SLC17A8: variants seen among roughly 807,000 people sequenced by gnomAD.
SLC17A8 encodes solute carrier family 17 member 8.
In SLC17A8, 31 loss-of-function variants were observed where a neutral mutation model predicts 58.0. That is an observed-to-expected ratio of 0.53 (90% CI 0.40 to 0.72). SLC17A8 has a LOEUF of 0.72. SLC17A8 is among the 30% of genes least tolerant of loss of function. SLC17A8 has a pLI of 0.00. For missense variants in SLC17A8, 655 were observed against 727.8 expected (o/e 0.90, Z 1.15); for synonymous variants, 228 against 249.0 (o/e 0.92, Z 0.79).
intron 8 of SLC17A8, among the ~76,000 whole-genome samples, chr12:100,403,499 G>T (rs1952806156): frequency 6.6e-6 from 1 of 151,254 alleles, no homozygotes; most frequent in East Asian, 1.9e-4. Flanking sequence ...AAAATAAACA[G>T]AAAAAAAAGA....
At chr12:100,370,289 T>C (rs1309457704) in intron 1 of SLC17A8, among the ~76,000 whole-genome samples, 4 of 135,838 alleles carry the variant, frequency 2.9e-5, no homozygotes, top group African/African-American at 7.4e-5. Context: ...TCTAAATTTA[T>C]TTTTTATTTT....
intron 1 of SLC17A8, among the ~76,000 whole-genome samples, chr12:100,363,460 T>G (rs1952497802): frequency 6.6e-6 from 1 of 152,088 alleles, no homozygotes; most frequent in Non-Finnish European, 1.5e-5. Flanking sequence ...CTCTGCCTCC[T>G]GGGTTCAAGC....
intron 1 of SLC17A8, among the ~76,000 whole-genome samples, chr12:100,362,826 C>G (rs1012647295): frequency 1.3e-5 from 2 of 152,074 alleles, no homozygotes; most frequent in Non-Finnish European, 2.9e-5. Flanking sequence ...TTTTTGATTT[C>G]CCTCACTTCT....
chr12:100,421,171 T>G lies in SLC17A8; in HGVS notation c.*1012T>G, dbSNP rs561500979. ...GATGTCCCAAACTACTTACAAACTT[T>G]TAAGACATTTAATAATTTAAGAAGT... On this transcript the variant is annotated 3_prime_UTR_variant, in exon 12 of 12. Coordinates refer to ENST00000323346, the MANE Select transcript of SLC17A8 (RefSeq NM_139319.3). 6.6e-6 allele frequency: 1 copy of G among 152,332 alleles called. No individual in the cohort carries two copies. The highest frequency in any genetic ancestry group is 1.9e-4 in the East Asian group (1 of 5,188). The allele number at this position is 152,332 out of a possible 1,614,324, so 9.4% of individuals were successfully genotyped here.
At chr12:100,384,988 T>C (rs1035851307) in intron 2 of SLC17A8, among the ~76,000 whole-genome samples, 3 of 152,146 alleles carry the variant, frequency 2.0e-5, no homozygotes, top group Admixed American at 2.0e-4. Flanking sequence ...CTTGAGCCTT[T>C]GTCTTGCTAG....
chr12:100,370,319 T>C (rs1343735870), intron 1 of SLC17A8, among the ~76,000 whole-genome samples: 2 of 152,062 alleles, frequency 1.3e-5, no homozygotes, highest in African/African-American at 4.8e-5. Context: ...ATTTTTGAGA[T>C]GGAGTTTTGC....
At chr12:100,413,963 C>T (rs995286438) in intron 10 of SLC17A8, among the ~76,000 whole-genome samples, 6 of 151,310 alleles carry the variant, frequency 4.0e-5, no homozygotes, top group East Asian at 1.9e-4. Context: ...GATGACAAAG[C>T]GAGACCCCTT....
At chr12:100,377,230 C>T (rs1952600613) in intron 1 of SLC17A8, among the ~76,000 whole-genome samples, 1 of 152,148 alleles carries the variant, frequency 6.6e-6, no homozygotes, top group Non-Finnish European at 1.5e-5. Context: ...GAGCTAATGG[C>T]ATCAATGCTA....
At position 100,387,152 on chromosome 12, in the gene SLC17A8, G is replaced by A. The variant is rs116643809; in HGVS notation, c.355-3849G>A. ...AGTGGGATTGCTAAATCATACATTC[G>A]TTCTGTTTTTAAGTTTTGGAGGAAC... On this transcript the variant is annotated intron_variant, in intron 2 of 11. Transcript: ENST00000323346. Among the ~76,000 whole-genome samples the A allele has an allele frequency of 2.8e-3, 427 of 152,276 alleles. 3 individuals carry two copies. The highest frequency in any genetic ancestry group is 9.8e-3 in the African/African-American group (409 of 41,548).
At chr12:100,399,540 C>G (rs557524361) in intron 5 of SLC17A8, among the ~76,000 whole-genome samples, 1 of 151,958 alleles carries the variant, frequency 6.6e-6, no homozygotes, top group Non-Finnish European at 1.5e-5. Context: ...CTTACAATCA[C>G]GGCAGGAGGC....
intron 11 of SLC17A8, among the ~76,000 whole-genome samples, chr12:100,419,512 G>A (rs1463927999): frequency 6.7e-6 from 1 of 148,696 alleles, no homozygotes; most frequent in Non-Finnish European, 1.5e-5. Context: ...TAGCCTGGGT[G>A]ACAGAGCGAG....
intron 1 of SLC17A8, among the ~76,000 whole-genome samples, chr12:100,359,599 A>C (rs948139937): frequency 6.6e-6 from 1 of 152,240 alleles, no homozygotes; most frequent in East Asian, 1.9e-4. Context: ...AAATAAAGCC[A>C]AGGTCAAATC....
At chr12:100,419,608 G>T (rs1337403626) in intron 11 of SLC17A8, among the ~76,000 whole-genome samples, 3 of 151,438 alleles carry the variant, frequency 2.0e-5, no homozygotes, top group Non-Finnish European at 4.4e-5. Context: ...ATTCATTGTT[G>T]TCTTAACTTT....
chr12:100,403,155 A>G (rs1952803389), intron 8 of SLC17A8, among the ~76,000 whole-genome samples: 1 of 152,216 alleles, frequency 6.6e-6, no homozygotes, highest in African/African-American at 2.4e-5. Flanking sequence ...CTATAGCAGT[A>G]ACAATCATTG....
chr12:100,380,659 A>G (rs11110358), intron 1 of SLC17A8, 42 bp from the exon 2 acceptor site: 1 of 1,611,900 alleles, frequency 6.2e-7, no homozygotes. Flanking sequence ...TTTTTCCTTT[A>G]ATCCTGGCTT....
intron 5 of SLC17A8, among the ~76,000 whole-genome samples, chr12:100,399,439 A>G (rs1952775532): frequency 6.6e-6 from 1 of 152,194 alleles, no homozygotes; most frequent in Non-Finnish European, 1.5e-5. Context: ...TTTTCACATA[A>G]CTATAAAGAA....
rs147731381 is a variant in SLC17A8, at chr12:100,386,016, T to C, written c.355-4985T>C. ...GACATCTTTCTGCGTGTCTCCTCTTTTGTCTCAAATCTCCATCTGTCTTTC... is the reference window on the plus strand; with the variant it reads ...GACATCTTTCTGCGTGTCTCCTCTTCTGTCTCAAATCTCCATCTGTCTTTC... On this transcript the variant is annotated intron_variant, in intron 2 of 11. Transcript: ENST00000323346. Among the ~76,000 whole-genome samples, 1,086 of 152,286 alleles carry C rather than the reference T, an allele frequency of 7.1e-3. 15 individuals carry two copies. Among genetic ancestry groups the C allele is most frequent in the African/African-American group, 0.025 (1,032 of 41,564 alleles).
chr12:100,366,026 C>G (rs1349148492), intron 1 of SLC17A8, among the ~76,000 whole-genome samples: 2 of 146,954 alleles, frequency 1.4e-5, no homozygotes, highest in East Asian at 4.0e-4. Flanking sequence ...TGTGGTAGTT[C>G]CCTGTCATCC....
In SLC17A8 at chr12:100,421,486, T is replaced by C. The variant is rs1952947813; in HGVS notation, c.*1327T>C. On this transcript the variant is annotated 3_prime_UTR_variant, in exon 12 of 12. Transcript: ENST00000323346. The stretch of plus-strand genomic sequence containing the variant: ...TTCACCTTTGATTGCATAAGGCAAT[T>C]ACATGGATACTTTTAGATATATTTA... 1.3e-5 allele frequency: 2 copies of C among 152,262 alleles called. No homozygotes were observed. The highest frequency in any genetic ancestry group is 2.4e-5 in the African/African-American group (1 of 41,564). 9.4% of individuals were successfully genotyped at this position (152,262 alleles called of 1,614,324 possible).
Sources: allele counts gnomAD v4.1 joint callset (sites outside exome capture counted in the v4.1 genomes callset), GRCh38; gene constraint gnomAD v4.1.1; transcripts MANE v1.5; gene names NCBI Gene and HGNC (gene_info 2026-07-23, HGNC 2026-07-21).